ANK1: variants seen among roughly 807,000 people sequenced by gnomAD.
The protein encoded by ANK1 is ankyrin 1.
ANK1 carries 51 observed loss-of-function variants against 210.4 expected under a neutral mutation model. The observed-to-expected ratio is 0.24, with a 90% CI of 0.19 to 0.31. The LOEUF is 0.31. Ranked by LOEUF, ANK1 falls within the 10% of genes least tolerant of loss-of-function variation. The pLI is 1.00. For missense variants in ANK1, 2,051 were observed against 2,504.4 expected, an observed-to-expected ratio of 0.82 and a Z score of 3.86; for synonymous variants, 967 against 1,025.9, an observed-to-expected ratio of 0.94 and a Z score of 1.10.
At chr8:41,787,074 G>A (rs80177655) in intron 1 of ANK1, among the ~76,000 whole-genome samples, 2,590 of 152,302 alleles carry the variant, frequency 0.017, 54 homozygotes, top group African/African-American at 0.048. Flanking sequence ...AAGCACAGAG[G>A]GATGCCTGAT....
At chr8:41,656,239 T>C (rs953271726) in intron 42 of ANK1, among the ~76,000 whole-genome samples, 1 of 152,246 alleles carries the variant, frequency 6.6e-6, no homozygotes, top group Non-Finnish European at 1.5e-5. Flanking sequence ...TCTGCCAACA[T>C]GCACTGATGT....
rs1339784201 is a variant in ANK1, at chr8:41,822,094, G to A, written c.127-63957C>T. ...AGAGAGAGAGAGAGAGAGAGAGAGA[G>A]AGAGAGAGAGAGAGAGAGAGAAAGA... On this transcript the variant is annotated intron_variant, in intron 1 of 42. Transcript: ENST00000265709. 5.6e-3 allele frequency among the ~76,000 whole-genome samples: 252 copies of A among 44,680 alleles called. 3 individuals are homozygous for A. The highest frequency in any genetic ancestry group is 0.016 in the African/African-American group (173 of 10,586). The allele number at this position is 44,680 out of a possible 152,430, so 29.3% of individuals were successfully genotyped here. A position where few individuals can be genotyped will look rare whatever the true frequency, so the allele number is the denominator to read the frequency against.
chr8:41,859,199 G>A (rs116444775), intron 1 of ANK1, among the ~76,000 whole-genome samples: 2,952 of 152,324 alleles, frequency 0.019, 85 homozygotes, highest in African/African-American at 0.063. Flanking sequence ...GAGCACGGAA[G>A]GAGAGAAAGC....
At chr8:41,863,240 T>G (rs1019908240) in intron 1 of ANK1, among the ~76,000 whole-genome samples, 7 of 151,218 alleles carry the variant, frequency 4.6e-5, no homozygotes, top group African/African-American at 1.7e-4. Flanking sequence ...GCGCCTGTAG[T>G]CCCAGCTACT....
chr8:41,877,339 T>C (rs1253904953), intron 1 of ANK1, among the ~76,000 whole-genome samples: 1 of 152,246 alleles, frequency 6.6e-6, no homozygotes, highest in Non-Finnish European at 1.5e-5. Flanking sequence ...AGCAGGCTGC[T>C]GATGGTGGGA....
intron 1 of ANK1, among the ~76,000 whole-genome samples, chr8:41,785,007 G>A (rs1159019388): frequency 6.6e-6 from 1 of 152,156 alleles, no homozygotes; most frequent in East Asian, 1.9e-4. Flanking sequence ...GCTGGGCTTT[G>A]CCAGCCCTCG....
intron 1 of ANK1, among the ~76,000 whole-genome samples, chr8:41,815,740 G>C (rs972345248): frequency 6.6e-6 from 1 of 152,114 alleles, no homozygotes; most frequent in Non-Finnish European, 1.5e-5. Context: ...AACCTAGGAA[G>C]CAAGCAATTT....
chr8:41,722,628 G>A (rs117824825), intron 9 of ANK1, among the ~76,000 whole-genome samples: 6,333 of 152,224 alleles, frequency 0.042, 169 homozygotes, highest in Non-Finnish European at 0.056. Context: ...TTTTAACTTC[G>A]CTTCAGTCTG....
intron 1 of ANK1, among the ~76,000 whole-genome samples, chr8:41,765,589 C>G (rs1299623672): frequency 6.6e-6 from 1 of 152,142 alleles, no homozygotes; most frequent in African/African-American, 2.4e-5. Context: ...CAGTTCAGCT[C>G]TGGCTGGAGA....
intron 2 of ANK1, among the ~76,000 whole-genome samples, chr8:41,751,183 T>C (rs1325186820): frequency 1.3e-5 from 2 of 152,230 alleles, no homozygotes; most frequent in African/African-American, 4.8e-5. Flanking sequence ...TGATTTGATA[T>C]TAATCTAACA....
chr8:41,723,973 A>G (rs1830035850), intron 7 of ANK1, among the ~76,000 whole-genome samples: 2 of 151,470 alleles, frequency 1.3e-5, no homozygotes, highest in South Asian at 4.2e-4. Flanking sequence ...TATTTTTAGT[A>G]GAGACGGGGT....
At chr8:41,889,986 T>G (rs949040260) in intron 1 of ANK1, among the ~76,000 whole-genome samples, 3 of 152,232 alleles carry the variant, frequency 2.0e-5, no homozygotes, top group Admixed American at 6.5e-5. Context: ...TATCCTTTTC[T>G]CATTTCCCAG....
chr8:41,734,556 C>T (rs955198472), intron 2 of ANK1, among the ~76,000 whole-genome samples: 1 of 152,132 alleles, frequency 6.6e-6, no homozygotes, highest in Non-Finnish European at 1.5e-5. Flanking sequence ...TACCACCAAC[C>T]ACCCAGCTGT....
intron 17 of ANK1, 58 bp from the exon 18 acceptor site, chr8:41,706,299 T>TA: frequency 6.7e-7 from 1 of 1,495,848 alleles, no homozygotes; most frequent in Non-Finnish European, 9.2e-7. Context: ...AGGCCACAAG[T>TA]AAAGAGCTCT....
intron 1 of ANK1, among the ~76,000 whole-genome samples, chr8:41,859,248 C>T (rs570322876): frequency 6.6e-6 from 1 of 152,376 alleles, no homozygotes; most frequent in South Asian, 2.1e-4. Flanking sequence ...GGGCCAACGG[C>T]ACCTACGGGA....
chr8:41,840,038 TA>T (rs1808571646), intron 1 of ANK1: 1 of 152,184 alleles, frequency 6.6e-6, no homozygotes. Flanking sequence ...TTTTTTCTTT[TA>T]AAATTATTTT....
Position 41,844,684 on chromosome 8 carries a change from C to T in ANK1, c.126+51671G>A, listed in dbSNP as rs182355902. Among the ~76,000 whole-genome samples, 1,133 of 152,300 alleles carry T rather than the reference C, an allele frequency of 7.4e-3. 9 individuals are homozygous for T. The highest frequency in any genetic ancestry group is 0.011 in the Non-Finnish European group (740 of 68,030). On this transcript the variant is annotated intron_variant, in intron 1 of 42. Transcript: ENST00000265709. ...GAGTACGGCTCTGCCTCCAAAGAGA[C>T]GTGGTAATGAACAAATAGGAATAAA...
chr8:41,670,536 C>A (rs1305140986), intron 38 of ANK1, among the ~76,000 whole-genome samples: 1 of 152,188 alleles, frequency 6.6e-6, no homozygotes, highest in Non-Finnish European at 1.5e-5. Flanking sequence ...TTTAAACCAG[C>A]CTAAGCTCCA....
Position 41,695,341 on chromosome 8 carries a change from G to T in ANK1, c.2961-10C>A. The T allele has an allele frequency of 6.2e-7, 1 of 1,613,864 alleles. No individual in the cohort carries two copies. Among genetic ancestry groups the T allele is most frequent in the Non-Finnish European group, 8.5e-7 (1 of 1,180,020 alleles). On this transcript the variant is annotated splice_polypyrimidine_tract_variant and intron_variant, in intron 26 of 42. Transcript: ENST00000289734. Reference sequence around the variant, plus strand: ...CTCCACGATTACAGGGCTGAGGCAAGGACACAGTGGTGGTGGGGAGGTGCT... The same window carrying T: ...CTCCACGATTACAGGGCTGAGGCAATGACACAGTGGTGGTGGGGAGGTGCT...
Sources: gnomAD v4.1 joint callset for allele counts (sites outside exome capture counted in the v4.1 genomes callset) on GRCh38, gnomAD v4.1.1 for gene constraint, MANE v1.5 for transcripts, NCBI Gene and HGNC (gene_info 2026-07-23, HGNC 2026-07-21) for gene names.